KIRREL3: variants seen among roughly 807,000 people sequenced by gnomAD.
KIRREL3 encodes the protein kin of IRRE-like protein 3.
KIRREL3 carries 36 observed loss-of-function variants against 89.7 expected under a neutral mutation model. The observed-to-expected ratio is 0.40, with a 90% CI of 0.31 to 0.53. The LOEUF (loss-of-function observed/expected upper bound fraction) is 0.53, where lower values mean the gene tolerates loss of function less well. Ranked by LOEUF, KIRREL3 falls within the 20% of genes least tolerant of loss-of-function variation. The pLI, the probability that KIRREL3 is intolerant of heterozygous loss-of-function variation, is 0.49. For synonymous variants in KIRREL3, 445 were observed against 441.4 expected (o/e 1.01, Z -0.10); for missense variants, 864 against 1,056.6 (o/e 0.82, Z 2.53).
At chr11:126,774,660 A>G (rs1035254394) in intron 1 of KIRREL3, among the ~76,000 whole-genome samples, 7 of 152,044 alleles carry the variant, frequency 4.6e-5, no homozygotes, top group African/African-American at 1.7e-4. Flanking sequence ...GGCAGAGGAG[A>G]AAAGGGGCTC....
rs570197743 is a variant in KIRREL3, at chr11:126,750,253, T to G, written c.56-187341A>C. ...GGGCCTTTATTTCTCAGTTCGGGAC[T>G]TCTACTATGGTACTTCCTTCTCCGT... is the stretch of plus-strand genomic sequence containing the variant. On this transcript the variant is annotated intron_variant, in intron 1 of 16. Coordinates refer to ENST00000525144, the MANE Select transcript of KIRREL3 (RefSeq NM_032531.4). This position sits in a 1 kb window ranked among gnomAD's most constrained non-coding sequence, Gnocchi z 4.2. Among the ~76,000 whole-genome samples, 1 of 152,320 alleles carries G rather than the reference T, an allele frequency of 6.6e-6. No homozygotes were observed. The highest frequency in any genetic ancestry group is 2.1e-4 in the South Asian group (1 of 4,826).
Position 126,473,381 on chromosome 11 carries a change from G to C in KIRREL3, c.519C>G (p.Asp173Glu). Residue 173 changes from aspartate (D) to glutamate (E), a missense_variant, in exon 5 of 17, where the codon GAC (aspartate) becomes GAG (glutamate). Asp to Glu is a conservative substitution (Grantham distance 45). Coordinates refer to ENST00000525144, the MANE Select transcript of KIRREL3 (RefSeq NM_032531.4). ...GDPLNLTCHA[D>E]NAKPAASIIW... The stretch of plus-strand genomic sequence containing the variant: ...TGATGGAGGCTGCAGGCTTGGCATT[G>C]TCTGCGTGGCAGGTGAGGTTGAGAG... The C allele has an allele frequency of 1.3e-6, 2 of 1,570,400 alleles. No individual in the cohort carries two copies. Among genetic ancestry groups the C allele is most frequent in the Non-Finnish European group, 1.7e-6 (2 of 1,158,928 alleles).
intron 1 of KIRREL3, among the ~76,000 whole-genome samples, chr11:126,810,062 G>A (rs1451515785): frequency 3.9e-5 from 6 of 152,158 alleles, no homozygotes; most frequent in Non-Finnish European, 8.8e-5. Flanking sequence ...GGGAAAGGCA[G>A]CGTGTTGAGT....
chr11:126,621,055 T>G (rs1240542656), intron 1 of KIRREL3, among the ~76,000 whole-genome samples: 2 of 152,204 alleles, frequency 1.3e-5, no homozygotes, highest in African/African-American at 4.8e-5. Context: ...TTAAAAGAAT[T>G]ATTATTCATT....
intron 2 of KIRREL3, among the ~76,000 whole-genome samples, chr11:126,560,133 A>C (rs185415594): frequency 6.6e-6 from 1 of 152,350 alleles, no homozygotes; most frequent in East Asian, 1.9e-4. Flanking sequence ...GCTTAATCAC[A>C]TGAAGACAAT....
At chr11:126,767,438 C>T (rs1444799518) in intron 1 of KIRREL3, among the ~76,000 whole-genome samples, 1 of 152,190 alleles carries the variant, frequency 6.6e-6, no homozygotes, top group Non-Finnish European at 1.5e-5. Flanking sequence ...ACTCCTAAAG[C>T]TGGGAATGTA....
At chr11:126,775,598 C>T (rs1043595887) in intron 1 of KIRREL3, among the ~76,000 whole-genome samples, 4 of 152,194 alleles carry the variant, frequency 2.6e-5, no homozygotes, top group Non-Finnish European at 5.9e-5. Flanking sequence ...GACTCACTCG[C>T]TGCTGGGTCT....
intron 1 of KIRREL3, among the ~76,000 whole-genome samples, chr11:126,630,088 A>C (rs918850426): frequency 2.0e-5 from 3 of 152,178 alleles, no homozygotes; most frequent in African/African-American, 7.2e-5. Flanking sequence ...CCTAGCTCTG[A>C]TGTGGAATGC....
In KIRREL3 at chr11:126,946,904, A is replaced by G. The variant is rs577914827; in HGVS notation, c.55+53551T>C. Among the ~76,000 whole-genome samples the G allele has an allele frequency of 2.6e-5, 4 of 152,328 alleles. No individual in the cohort carries two copies. In the South Asian group the frequency reaches 6.2e-4, roughly 24 times the overall value. ...GGCCTTGAACTAGGCATTTGGTATC[A>G]CCATACAGAGATTGAATGTGCAGGC... On this transcript the variant is annotated intron_variant, in intron 1 of 16. Coordinates refer to ENST00000525144, the MANE Select transcript of KIRREL3 (RefSeq NM_032531.4). This position sits in a 1 kb window ranked among gnomAD's most constrained non-coding sequence, Gnocchi z 4.1.
In KIRREL3 at chr11:126,639,535, C is replaced by T. The variant is rs1372868345; in HGVS notation, c.56-76623G>A. On this transcript the variant is annotated intron_variant, in intron 1 of 16. Transcript: ENST00000525144. This position sits in a 1 kb window ranked among gnomAD's most constrained non-coding sequence, Gnocchi z 4.3. ...TCCAGGAGAGTTAAGAAGGCAGATG[C>T]TAACCAACCACCAATTGCATCCCAG... Among the ~76,000 whole-genome samples the T allele has an allele frequency of 4.6e-5, 7 of 152,182 alleles. No individual in the cohort carries two copies. The highest frequency in any genetic ancestry group is 1.3e-4 in the Admixed American group (2 of 15,278).
rs1030108070 is a variant in KIRREL3, at chr11:126,904,310, A to G, written c.55+96145T>C. 3.9e-5 allele frequency among the ~76,000 whole-genome samples: 6 copies of G among 152,184 alleles called. No individual in the cohort carries two copies. Among genetic ancestry groups the G allele is most frequent in the African/African-American group, 7.2e-5 (3 of 41,450 alleles). Reference sequence around the variant, plus strand: ...CATTCAAGGTAAATGTCTGTATTTTATGGCCCGAAGCCCCCAAACTCATGA... The same window carrying G: ...CATTCAAGGTAAATGTCTGTATTTTGTGGCCCGAAGCCCCCAAACTCATGA... On this transcript the variant is annotated intron_variant, in intron 1 of 16. Transcript: ENST00000525144. This position sits in a 1 kb window ranked among gnomAD's most constrained non-coding sequence, Gnocchi z 4.4.
rs2134584957 is a variant in KIRREL3 at position 126,562,279 on chromosome 11, G to A, written c.133+556C>T. On this transcript the variant is annotated intron_variant, in intron 2 of 16. Transcript: ENST00000525144. This position sits in a 1 kb window ranked among gnomAD's most constrained non-coding sequence, Gnocchi z 4.7. Reference sequence around the variant, plus strand: ...CTCAAGCCTTCAGTGACCCAATGAAGCCAGTGCAAGAGGAAGACAGAATGG... The same window carrying A: ...CTCAAGCCTTCAGTGACCCAATGAAACCAGTGCAAGAGGAAGACAGAATGG... 6.6e-6 allele frequency among the ~76,000 whole-genome samples: 1 copy of A among 152,240 alleles called. No homozygotes were observed. The highest frequency in any genetic ancestry group is 2.1e-4 in the South Asian group (1 of 4,820).
In KIRREL3 at chr11:126,773,206, C is replaced by G. The variant is rs1950069999; in HGVS notation, c.56-210294G>C. ...GGGACATGGTGCCCAGATGTTTTGT[C>G]AAACATTCTGGATGTTTCTGTGAAG... On this transcript the variant is annotated intron_variant, in intron 1 of 16. Transcript: ENST00000525144. This position sits in a 1 kb window ranked among gnomAD's most constrained non-coding sequence, Gnocchi z 4.2. Among the ~76,000 whole-genome samples the G allele has an allele frequency of 6.6e-6, 1 of 152,182 alleles. No homozygotes were observed. Among genetic ancestry groups the G allele is most frequent in the Admixed American group, 6.5e-5 (1 of 15,282 alleles).
intron 1 of KIRREL3, among the ~76,000 whole-genome samples, chr11:126,915,101 C>G (rs1357458322): frequency 2.0e-5 from 3 of 152,140 alleles, no homozygotes; most frequent in Admixed American, 6.5e-5. Context: ...TATTGGAGTT[C>G]ACCAGGCATC....
In KIRREL3 at chr11:126,424,457, G is replaced by T. The variant is rs1048052133; in HGVS notation, c.*123C>A. On this transcript the variant is annotated 3_prime_UTR_variant, in exon 17 of 17. Transcript: ENST00000525144. ...TTCGAAGGAAGGCAGTGGCAGAGGC[G>T]CTGGGAGGCTGTCCTGGAAGTGGCC... The T allele has an allele frequency of 3.3e-5, 29 of 883,868 alleles. No homozygotes were observed. Among genetic ancestry groups the T allele is most frequent in the Non-Finnish European group, 4.9e-5 (28 of 576,988 alleles). 54.8% of individuals were successfully genotyped at this position (883,868 alleles called of 1,614,324 possible).
Position 126,903,228 on chromosome 11 carries a change from G to A in KIRREL3, c.55+97227C>T, listed in dbSNP as rs887160078. 5.3e-5 allele frequency among the ~76,000 whole-genome samples: 8 copies of A among 151,986 alleles called. No homozygotes were observed. Among genetic ancestry groups the A allele is most frequent in the South Asian group, 2.1e-4 (1 of 4,830 alleles). On this transcript the variant is annotated intron_variant, in intron 1 of 16. Coordinates refer to ENST00000525144, the MANE Select transcript of KIRREL3 (RefSeq NM_032531.4). The surrounding 1 kb of genome is among the most constrained non-coding windows in gnomAD (Gnocchi z 4.5). ...TTGCTATATTTAGAGGGAAAATAAC[G>A]TCCCTCTGCAATTACCATTTGGTAT...
chr11:126,650,276 G>A (rs1944860952), intron 1 of KIRREL3, among the ~76,000 whole-genome samples: 1 of 152,160 alleles, frequency 6.6e-6, no homozygotes. Flanking sequence ...ATTAACATTC[G>A]ACTCCTCATT....
rs182646725 is a variant in KIRREL3, at chr11:126,918,121, C to T, written c.55+82334G>A. ...CTCTCAGAGGGAAGACAGAGACTCA[C>T]GGTATGGCAGTTGAAGGACACACGA... On this transcript the variant is annotated intron_variant, in intron 1 of 16. Transcript: ENST00000525144. The surrounding 1 kb of genome is among the most constrained non-coding windows in gnomAD (Gnocchi z 6.5). 5.7e-4 allele frequency among the ~76,000 whole-genome samples: 86 copies of T among 152,178 alleles called. 1 individual carries two copies. Among genetic ancestry groups the T allele is most frequent in the Non-Finnish European group, 4.4e-4 (30 of 68,012 alleles).
In KIRREL3 at chr11:126,484,744, C is replaced by T. The variant is rs1957305794; in HGVS notation, c.434-11278G>A. 6.6e-6 allele frequency among the ~76,000 whole-genome samples: 1 copy of T among 152,068 alleles called. No homozygotes were observed. The highest frequency in any genetic ancestry group is 1.5e-5 in the Non-Finnish European group (1 of 68,016). On this transcript the variant is annotated intron_variant, in intron 4 of 16. Transcript: ENST00000525144. The surrounding 1 kb of genome is among the most constrained non-coding windows in gnomAD (Gnocchi z 5.2). ...TTTAATTAATGTAGGTGTGCTTTCCCCCTCTTCAGACCCTCCCCGCCTCCA... is the reference window on the plus strand; with the variant it reads ...TTTAATTAATGTAGGTGTGCTTTCCTCCTCTTCAGACCCTCCCCGCCTCCA...
Sources: gnomAD v4.1 joint callset for allele counts (sites outside exome capture counted in the v4.1 genomes callset) on GRCh38, gnomAD v4.1.1 for gene constraint, Gnocchi (gnomAD v3.1) non-coding constraint, MANE v1.5 for transcripts, NCBI Gene and HGNC (gene_info 2026-07-23, HGNC 2026-07-21) for gene names.